PSMG2: variants seen among roughly 807,000 people sequenced by gnomAD.
PSMG2 encodes CD40 ligand-activated specific transcript 3.
In PSMG2, 21 loss-of-function variants were observed where a neutral mutation model predicts 31.5. The observed-to-expected ratio is 0.67, with a 90% CI of 0.47 to 0.96. The LOEUF is 0.96. Ranked by LOEUF, PSMG2 falls within the 40% of genes least tolerant of loss-of-function variation. PSMG2 has a pLI of 0.00. For synonymous variants in PSMG2, 120 were observed against 110.4 expected, an observed-to-expected ratio of 1.09 and a Z score of -0.54; for missense variants, 318 against 321.2, an observed-to-expected ratio of 0.99 and a Z score of 0.08.
chr18:12,664,420 T>C (rs1428435132), intron 1 of PSMG2, among the ~76,000 whole-genome samples: 1 of 151,204 alleles, frequency 6.6e-6, no homozygotes, highest in Non-Finnish European at 1.5e-5. Context: ...CATGGTGGCA[T>C]GTGCCTGTAG....
chr18:12,660,649 C>T (rs2038678309), intron 1 of PSMG2, among the ~76,000 whole-genome samples: 1 of 152,024 alleles, frequency 6.6e-6, no homozygotes, highest in Admixed American at 6.6e-5. Context: ...AACAAATTTG[C>T]AACACTAGGA....
rs565464565 is a variant in PSMG2 at position 12,669,166 on chromosome 18, G to C, written c.-37+10393G>C. Among the ~76,000 whole-genome samples, 15 of 149,250 alleles carry C rather than the reference G, an allele frequency of 1.0e-4. 1 individual carries two copies. In the South Asian group the frequency reaches 3.2e-3, roughly 32 times the overall value. ...GTTTCACTGTTTCCCAAGCTGGAGT[G>C]CAGTGGTGTGATCTCAGCTCACGGC... is the stretch of plus-strand genomic sequence containing the variant. On this transcript the variant is annotated intron_variant, in intron 1 of 6. Coordinates refer to the PSMG2 transcript ENST00000585331.
chr18:12,695,653 T>C (rs1256698282), intron 1 of PSMG2, among the ~76,000 whole-genome samples: 2 of 152,076 alleles, frequency 1.3e-5, no homozygotes, highest in Non-Finnish European at 2.9e-5. Context: ...TCAAGTGATA[T>C]TCCTGCCTCA....
At chr18:12,675,572 G>C (rs1242181165) in intron 1 of PSMG2, among the ~76,000 whole-genome samples, 1 of 152,126 alleles carries the variant, frequency 6.6e-6, no homozygotes, top group Non-Finnish European at 1.5e-5. Context: ...CTTATATACT[G>C]TAAGAGATAA....
chr18:12,706,356 G>A (rs1172147293), intron 1 of PSMG2, among the ~76,000 whole-genome samples, 194 bp from the exon 2 acceptor site: 3 of 152,150 alleles, frequency 2.0e-5, no homozygotes, highest in East Asian at 1.9e-4. Context: ...GTGTGGTGGT[G>A]CGCGCCTATA....
chr18:12,717,080 C>G (rs971161685), intron 3 of PSMG2, among the ~76,000 whole-genome samples: 3 of 150,818 alleles, frequency 2.0e-5, no homozygotes, highest in Non-Finnish European at 4.4e-5. Context: ...CTCCTGAGTA[C>G]CTGGGGCTAC....
At chr18:12,699,147 A>ATTT, upstream of PSMG2, 1 of 1,614,142 alleles carries the variant, frequency 6.2e-7, no homozygotes, top group Non-Finnish European at 8.5e-7. Flanking sequence ...TGTTCCAAGA[A>ATTT]AGCTTTTCCA....
intron 1 of PSMG2, among the ~76,000 whole-genome samples, chr18:12,668,329 T>C (rs1250030611): frequency 6.6e-6 from 1 of 151,562 alleles, no homozygotes; most frequent in East Asian, 2.0e-4. Context: ...CCGTCGCAGA[T>C]GCCAATAATC....
intron 1 of PSMG2, chr18:12,678,376 T>C: frequency 2.5e-6 from 4 of 1,614,128 alleles, no homozygotes; most frequent in Non-Finnish European, 3.4e-6. Flanking sequence ...TTGTTCGATA[T>C]GGGTACAGTG....
chr18:12,658,895 C>G (rs780475303), intron 1 of PSMG2: 11 of 274,942 alleles, frequency 4.0e-5, no homozygotes, highest in Non-Finnish European at 7.4e-5. Context: ...AGCGTCCTTC[C>G]GGATTCATTT....
intron 4 of PSMG2, among the ~76,000 whole-genome samples, chr18:12,719,815 C>T (rs979700777): frequency 1.4e-5 from 2 of 145,652 alleles, no homozygotes; most frequent in Admixed American, 6.9e-5. Flanking sequence ...CCTCTGCCTC[C>T]TGGGTTCAAG....
At chr18:12,702,034 G>T (rs1326972887), upstream of PSMG2, among the ~76,000 whole-genome samples, 1 of 152,176 alleles carries the variant, frequency 6.6e-6, no homozygotes, top group Non-Finnish European at 1.5e-5. Flanking sequence ...GGCTGAGGCG[G>T]AGAATCGCTT....
chr18:12,701,238 G>A (rs994730291), upstream of PSMG2: 1 of 665,656 alleles, frequency 1.5e-6, no homozygotes, highest in Non-Finnish European at 2.6e-6. Flanking sequence ...TGGGAACAAA[G>A]GTAAGCTTTT....
Position 12,660,432 on chromosome 18 carries a change from G to A in PSMG2, c.-37+1659G>A, listed in dbSNP as rs547988622. On this transcript the variant is annotated intron_variant, in intron 1 of 6. Coordinates refer to the PSMG2 transcript ENST00000585331. ...CGCCTCCTGGGTTGAGATGATTCTC[G>A]TGCCTCGGCCTCCCGAGTAGCTGGG... Among the ~76,000 whole-genome samples, 4 of 151,040 alleles carry A rather than the reference G, an allele frequency of 2.6e-5. No homozygotes were observed. The South Asian group carries it at 8.4e-4, about 32-fold the overall frequency.
chr18:12,674,461 A>C, intron 1 of PSMG2: 1 of 1,125,630 alleles, frequency 8.9e-7, no homozygotes, highest in South Asian at 1.5e-5. Context: ...AAAAAAAGGA[A>C]ATTAAAAAAA....
intron 1 of PSMG2, chr18:12,695,425 A>C: frequency 1.7e-6 from 1 of 588,464 alleles, no homozygotes; most frequent in East Asian, 3.1e-5. Flanking sequence ...TCTAACCAAA[A>C]TAATTTAGGC....
chr18:12,702,523 G>T, upstream of PSMG2: 7 of 1,609,458 alleles, frequency 4.3e-6, no homozygotes, highest in Non-Finnish European at 5.1e-6. Flanking sequence ...CTTCAGCTCG[G>T]AGGCTTTCTC....
upstream of PSMG2, among the ~76,000 whole-genome samples, chr18:12,702,011 C>T (rs1300695240): frequency 6.6e-6 from 1 of 152,130 alleles, no homozygotes; most frequent in Non-Finnish European, 1.5e-5. Context: ...CCTGTAATCC[C>T]AGCTACTCGG....
intron 1 of PSMG2, among the ~76,000 whole-genome samples, chr18:12,693,777 G>A (rs910965239): frequency 6.6e-6 from 1 of 151,990 alleles, no homozygotes; most frequent in African/African-American, 2.4e-5. Context: ...GCGAGACTCT[G>A]TCTGAAAAAA....
Sources: allele counts gnomAD v4.1 joint callset (sites outside exome capture counted in the v4.1 genomes callset), GRCh38; gene constraint gnomAD v4.1.1; transcripts MANE v1.5; gene names NCBI Gene and HGNC (gene_info 2026-07-23, HGNC 2026-07-21).